DPP10: variants seen among roughly 807,000 people sequenced by gnomAD.
DPP10 encodes the protein dipeptidyl peptidase like 10.
In DPP10, 33 loss-of-function variants were observed where a neutral mutation model predicts 120.9. The observed-to-expected ratio is 0.27, with a 90% CI of 0.21 to 0.37. DPP10 has a LOEUF of 0.37. Among genes scored for constraint, DPP10 ranks in the 10% least tolerant of loss-of-function variants. The probability of loss-of-function intolerance (pLI) is 1.00; values close to 1 mark genes in which losing one functional copy is unlikely to be tolerated. For synonymous variants in DPP10, 337 were observed against 326.1 expected (o/e 1.03, Z -0.36); for missense variants, 816 against 942.8 (o/e 0.87, Z 1.76).
chr2:114,546,805 C>T (rs1009034232), intron 1 of DPP10, among the ~76,000 whole-genome samples: 1 of 152,174 alleles, frequency 6.6e-6, no homozygotes, highest in Non-Finnish European at 1.5e-5. Context: ...GGCATAACCT[C>T]GTTTTCTTAA....
chr2:114,458,848 T>C (rs776768160), intron 1 of DPP10, among the ~76,000 whole-genome samples: 12 of 152,196 alleles, frequency 7.9e-5, no homozygotes, highest in Non-Finnish European at 1.6e-4. Flanking sequence ...GTCAATACAA[T>C]GTTGAAGGTC....
chr2:115,137,695 A>G (rs1215055348), intron 1 of DPP10, among the ~76,000 whole-genome samples: 1 of 152,190 alleles, frequency 6.6e-6, no homozygotes, highest in Non-Finnish European at 1.5e-5. Flanking sequence ...ATCATTCCCC[A>G]ATGGGAGAAA....
chr2:115,224,585 G>A (rs1048197678), intron 1 of DPP10, among the ~76,000 whole-genome samples: 2 of 152,028 alleles, frequency 1.3e-5, no homozygotes, highest in African/African-American at 2.4e-5. Flanking sequence ...GAGGAATAAA[G>A]TCAAGAGATT....
chr2:115,359,486 C>G (rs1485401189), intron 3 of DPP10, among the ~76,000 whole-genome samples: 1 of 152,022 alleles, frequency 6.6e-6, no homozygotes, highest in Non-Finnish European at 1.5e-5. Context: ...GATGACAATC[C>G]TGCTGTTATT....
At chr2:115,143,394 G>A (rs769249417) in intron 1 of DPP10, among the ~76,000 whole-genome samples, 4 of 152,158 alleles carry the variant, frequency 2.6e-5, no homozygotes, top group Non-Finnish European at 5.9e-5. Flanking sequence ...GGTTCATTAT[G>A]ATTATTAAAA....
intron 1 of DPP10, chr2:114,461,697 GC>G: frequency 1.0e-6 from 1 of 985,408 alleles, no homozygotes; most frequent in Non-Finnish European, 1.2e-6. Flanking sequence ...ATTTTGATCA[GC>G]CGTCTGCACT....
intron 3 of DPP10, among the ~76,000 whole-genome samples, chr2:115,497,708 G>A (rs1278080557): frequency 6.6e-6 from 1 of 152,042 alleles, no homozygotes; most frequent in African/African-American, 2.4e-5. Flanking sequence ...TCAAAGTTGA[G>A]GTTGGACTGT....
chr2:114,749,936 G>A (rs908067280), intron 1 of DPP10, among the ~76,000 whole-genome samples: 1 of 152,148 alleles, frequency 6.6e-6, no homozygotes, highest in Non-Finnish European at 1.5e-5. Flanking sequence ...AGTGTGATAA[G>A]TTTTTGTAAA....
intron 1 of DPP10, among the ~76,000 whole-genome samples, chr2:114,529,081 A>T (rs776987095): frequency 6.6e-6 from 1 of 152,056 alleles, no homozygotes; most frequent in Non-Finnish European, 1.5e-5. Flanking sequence ...ATTTATCTCC[A>T]TCTCTTGCTT....
intron 7 of DPP10, among the ~76,000 whole-genome samples, chr2:115,702,066 C>G (rs1021122143): frequency 6.6e-6 from 1 of 151,956 alleles, no homozygotes; most frequent in Non-Finnish European, 1.5e-5. Context: ...AGTGAGAATA[C>G]CATTTACTAG....
intron 4 of DPP10, among the ~76,000 whole-genome samples, chr2:115,504,503 C>T (rs889250223): frequency 6.6e-6 from 1 of 151,796 alleles, no homozygotes; most frequent in Non-Finnish European, 1.5e-5. Context: ...TTTTATCATT[C>T]ACTATGAAAA....
chr2:115,660,655 C>CTTTTTTTTTTTTTTTT, intron 5 of DPP10, among the ~76,000 whole-genome samples: 7 of 25,322 alleles, frequency 2.8e-4, no homozygotes, highest in Non-Finnish European at 4.3e-4. Context: ...CTCTGTCTGG[C>CTTTTTTTTTTTTTTTT]TTTTTTTTTT....
intron 1 of DPP10, among the ~76,000 whole-genome samples, chr2:114,912,609 T>C (rs1161143788): frequency 6.6e-6 from 1 of 150,674 alleles, no homozygotes; most frequent in Non-Finnish European, 1.5e-5. Context: ...AAGAAGGCAT[T>C]GAGAGTGGAT....
intron 1 of DPP10, among the ~76,000 whole-genome samples, chr2:114,765,900 C>T (rs1680667632): frequency 1.3e-5 from 2 of 152,024 alleles, no homozygotes; most frequent in Non-Finnish European, 2.9e-5. Flanking sequence ...AAAATCCTAA[C>T]TGGAGGAAAT....
intron 1 of DPP10, among the ~76,000 whole-genome samples, chr2:114,688,076 A>T (rs904408114): frequency 2.0e-5 from 3 of 152,020 alleles, no homozygotes; most frequent in Non-Finnish European, 4.4e-5. Context: ...GTCATGCTAC[A>T]TCAAAGAAAT....
chr2:115,765,160 G>T (rs1366010464), intron 12 of DPP10, among the ~76,000 whole-genome samples: 2 of 152,052 alleles, frequency 1.3e-5, no homozygotes, highest in South Asian at 2.1e-4. Context: ...GTCCAGCAAG[G>T]CATATGAGAT....
chr2:114,987,692 G>A (rs1199829511), intron 1 of DPP10, among the ~76,000 whole-genome samples: 1 of 151,742 alleles, frequency 6.6e-6, no homozygotes, highest in Non-Finnish European at 1.5e-5. Flanking sequence ...AAATTAGTAG[G>A]AATGGCTATT....
intron 13 of DPP10, among the ~76,000 whole-genome samples, chr2:115,770,332 G>C (rs1439748123): frequency 1.3e-5 from 2 of 151,978 alleles, no homozygotes; most frequent in Non-Finnish European, 2.9e-5. Flanking sequence ...GCAAATTCCT[G>C]TATTTCTGAA....
chr2:115,205,471 G>A (rs113304022), intron 1 of DPP10, among the ~76,000 whole-genome samples: 2 of 152,018 alleles, frequency 1.3e-5, no homozygotes, highest in African/African-American at 4.8e-5. Flanking sequence ...CAGTTTGGAG[G>A]TTCCTCAGAG....
Sources: allele counts gnomAD v4.1 joint callset (sites outside exome capture counted in the v4.1 genomes callset), GRCh38; gene constraint gnomAD v4.1.1; transcripts MANE v1.5; gene names NCBI Gene and HGNC (gene_info 2026-07-23, HGNC 2026-07-21).